The following YY1 variants were observed in gnomAD, a reference collection of about 807,000 sequenced individuals.
YY1 encodes transcriptional repressor protein YY1.
In YY1, 2 loss-of-function variants were observed where a neutral mutation model predicts 35.6. The ratio of observed to expected loss-of-function variants is 0.06; its 90% confidence interval spans 0.02 to 0.18. YY1 has a LOEUF of 0.18. Among genes scored for constraint, YY1 ranks in the 10% least tolerant of loss-of-function variants. The pLI is 1.00. For synonymous variants in YY1, 268 were observed against 238.9 expected (o/e 1.12, Z -1.12); for missense variants, 322 against 573.4 (o/e 0.56, Z 4.48).
In YY1 at chr14:100,239,726, G is replaced by C; in HGVS notation, c.482G>C (p.Gly161Ala). The C allele has an allele frequency of 6.3e-7, 1 of 1,596,504 alleles. No individual in the cohort carries two copies. Among genetic ancestry groups the C allele is most frequent in the Non-Finnish European group, 8.5e-7 (1 of 1,175,906 alleles). The change falls in exon 1 of 5, where the codon GGC becomes GCC. Residue 161 changes from glycine (G) to alanine (A), a missense_variant. Transcript: ENST00000262238. ...VTVAAAGKSG[G>A]GGSSSSGGGR... Reference sequence around the variant, plus strand: ...GTGGCGGCGGCCGGCAAGAGCGGCGGCGGCGGCTCGTCGTCGTCGGGAGGC... The same window carrying C: ...GTGGCGGCGGCCGGCAAGAGCGGCGCCGGCGGCTCGTCGTCGTCGGGAGGC...
rs756308700 is a variant in YY1, at chr14:100,279,288, C to T, written c.*1688C>T. 25 of 152,108 alleles carry T rather than the reference C, an allele frequency of 1.6e-4. No individual in the cohort carries two copies. The highest frequency in any genetic ancestry group is 1.4e-3 in the Admixed American group (22 of 15,270). The allele number at this position is 152,108 out of a possible 1,614,324, so 9.4% of individuals were successfully genotyped here. ...GATAAATGACAAACTAGCTAATATCCGAGATTTATTTACAAATGGCCAGGG... is the reference window on the plus strand; with the variant it reads ...GATAAATGACAAACTAGCTAATATCTGAGATTTATTTACAAATGGCCAGGG... On this transcript the variant is annotated 3_prime_UTR_variant, in exon 5 of 5. Transcript: ENST00000262238.
intron 1 of YY1, among the ~76,000 whole-genome samples, chr14:100,243,976 C>T (rs561339964): frequency 6.6e-6 from 1 of 152,054 alleles, no homozygotes; most frequent in African/African-American, 2.4e-5. Flanking sequence ...GGCGCTGTGG[C>T]GGGTGCCTGT....
chr14:100,277,146 G>C lies in YY1; in HGVS notation c.1063-272G>C. 1 of 540,886 alleles carries C rather than the reference G, an allele frequency of 1.8e-6. No homozygotes were observed. Among genetic ancestry groups the C allele is most frequent in the South Asian group, 2.1e-5 (1 of 46,906 alleles). The allele number at this position is 540,886 out of a possible 1,614,324, so 33.5% of individuals were successfully genotyped here. On this transcript the variant is annotated intron_variant, in intron 4 of 4. Coordinates refer to ENST00000262238, the MANE Select transcript of YY1 (RefSeq NM_003403.5). This position sits in a 1 kb window ranked among gnomAD's most constrained non-coding sequence, Gnocchi z 5.6. ...TCATTTGTATTTTACTGTTGGAAATGTTTACAGCAGCACTAGGACTCTAGC... is the reference window on the plus strand; with the variant it reads ...TCATTTGTATTTTACTGTTGGAAATCTTTACAGCAGCACTAGGACTCTAGC...
chr14:100,268,352 G>A (rs895290407), intron 2 of YY1, among the ~76,000 whole-genome samples: 1 of 152,170 alleles, frequency 6.6e-6, no homozygotes. Flanking sequence ...TTGGGAAGGT[G>A]GACAGTCTAT....
intron 1 of YY1, 148 bp downstream of exon 1, chr14:100,240,071 C>CGGCGGCGGCGGCG (rs1404850189): frequency 2.0e-6 from 1 of 492,518 alleles, no homozygotes; most frequent in African/African-American, 2.1e-5. Context: ...GGCGGGGGCG[C>CGGCGGCGGCGGCG]GGCGGCGGCG....
chr14:100,279,174 T>TTA lies in YY1; in HGVS notation c.*1577_*1578dup. On this transcript the variant is annotated 3_prime_UTR_variant, in exon 5 of 5. Transcript: ENST00000262238. ...GTCAAATAACAGACTTGAGAATACT[T>TTA]TATAAACTGCCATGATACAGCAAAA... 6.6e-6 allele frequency: 1 copy of TTA among 152,320 alleles called. No homozygotes were observed. Among genetic ancestry groups the TTA allele is most frequent in the African/African-American group, 2.4e-5 (1 of 41,570 alleles). The allele number at this position is 152,320 out of a possible 1,614,324, so 9.4% of individuals were successfully genotyped here.
intron 2 of YY1, among the ~76,000 whole-genome samples, chr14:100,273,644 C>T (rs1412782402): frequency 1.3e-5 from 2 of 152,150 alleles, no homozygotes; most frequent in South Asian, 2.1e-4. Context: ...GGATTACAGG[C>T]GTGACCCACC....
intron 2 of YY1, among the ~76,000 whole-genome samples, chr14:100,263,100 G>T (rs916097580): frequency 1.6e-4 from 25 of 152,144 alleles, no homozygotes; most frequent in African/African-American, 6.0e-4. Flanking sequence ...TAGAGACAGG[G>T]TTTCATCCTG....
Position 100,244,320 on chromosome 14 carries a change from CTTTTTTTTTTTTT to C in YY1, c.679+4408_679+4420del, listed in dbSNP as rs869125410. On this transcript the variant is annotated intron_variant, in intron 1 of 4. Transcript: ENST00000262238. ...GATTGGCTTTTTTTTTCCTTTTTTACTTTTTTTTTTTTTTTTTTTTTTTGAGACAGGGGTCTCA... is the reference window on the plus strand; with the variant it reads ...GATTGGCTTTTTTTTTCCTTTTTTACTTTTTTTTTTGAGACAGGGGTCTCA... Among the ~76,000 whole-genome samples, 41 of 89,712 alleles carry C rather than the reference CTTTTTTTTTTTTT, an allele frequency of 4.6e-4. 2 individuals carry two copies. Among genetic ancestry groups the C allele is most frequent in the Non-Finnish European group, 2.0e-5 (1 of 48,842 alleles). 58.9% of individuals were successfully genotyped at this position (89,712 alleles called of 152,430 possible). A position where few individuals can be genotyped will look rare whatever the true frequency, so the allele number is the denominator to read the frequency against.
At chr14:100,269,680 C>T (rs1891205775) in intron 2 of YY1, among the ~76,000 whole-genome samples, 1 of 152,166 alleles carries the variant, frequency 6.6e-6, no homozygotes, top group South Asian at 2.1e-4. Context: ...TATACTGCTG[C>T]ATTTGCCACT....
chr14:100,275,474 C>T (rs1468926735), intron 3 of YY1, among the ~76,000 whole-genome samples: 1 of 152,168 alleles, frequency 6.6e-6, no homozygotes, highest in Admixed American at 6.5e-5. Context: ...GAAATGTAAA[C>T]GTATCTCCAT....
In YY1 at chr14:100,245,029, C is replaced by T. The variant is rs538071097; in HGVS notation, c.679+5106C>T. On this transcript the variant is annotated intron_variant, in intron 1 of 4. Coordinates refer to ENST00000262238, the MANE Select transcript of YY1 (RefSeq NM_003403.5). ...TCGGCTCACTGCAAGCTCCACCTCC[C>T]GGGTTCACACCATTCTCCTGCCTCA... 1.8e-3 allele frequency among the ~76,000 whole-genome samples: 280 copies of T among 152,178 alleles called. 8 individuals carry two copies. The South Asian group carries it at 0.04, about 22-fold the overall frequency.
Position 100,277,689 on chromosome 14 carries a change from T to C in YY1, c.*89T>C, listed in dbSNP as rs1891343800. Reference sequence around the variant, plus strand: ...ATATGCCTCTCCTTTGTATATTATTTCTAGGAAGAATTTTAAAAATGAATC... The same window carrying C: ...ATATGCCTCTCCTTTGTATATTATTCCTAGGAAGAATTTTAAAAATGAATC... On this transcript the variant is annotated 3_prime_UTR_variant, in exon 5 of 5. Coordinates refer to ENST00000262238, the MANE Select transcript of YY1 (RefSeq NM_003403.5). The surrounding 1 kb of genome is among the most constrained non-coding windows in gnomAD (Gnocchi z 5.6). 7.1e-7 allele frequency: 1 copy of C among 1,402,230 alleles called. No homozygotes were observed. The highest frequency in any genetic ancestry group is 9.9e-7 in the Non-Finnish European group (1 of 1,010,062). 86.9% of individuals were successfully genotyped at this position (1,402,230 alleles called of 1,614,324 possible).
chr14:100,246,211 G>A (rs539538699), intron 1 of YY1, among the ~76,000 whole-genome samples: 2 of 152,194 alleles, frequency 1.3e-5, no homozygotes, highest in African/African-American at 4.8e-5. Context: ...TTCCATACAT[G>A]GGTTTTGTGA....
chr14:100,252,916 C>A (rs910641879), intron 1 of YY1, among the ~76,000 whole-genome samples: 1 of 151,992 alleles, frequency 6.6e-6, no homozygotes, highest in African/African-American at 2.4e-5. Context: ...TGTGGTGCAC[C>A]TGTGGTCTCA....
chr14:100,250,623 A>G (rs1279700278), intron 1 of YY1, among the ~76,000 whole-genome samples: 1 of 152,166 alleles, frequency 6.6e-6, no homozygotes, highest in East Asian at 1.9e-4. Flanking sequence ...CTTAGGAATG[A>G]ATTCCTTTGT....
chr14:100,268,205 G>T (rs1007755281), intron 2 of YY1, among the ~76,000 whole-genome samples: 2 of 152,206 alleles, frequency 1.3e-5, no homozygotes, highest in South Asian at 4.1e-4. Context: ...GGGTGATGGG[G>T]TGCTGGACTG....
At chr14:100,251,992 A>G (rs1890931977) in intron 1 of YY1, among the ~76,000 whole-genome samples, 1 of 152,180 alleles carries the variant, frequency 6.6e-6, no homozygotes, top group African/African-American at 2.4e-5. Context: ...ACAGGAATGA[A>G]TGGCTTCTTG....
chr14:100,272,965 G>GTTTTT (rs368896214), intron 2 of YY1, among the ~76,000 whole-genome samples: 1 of 127,708 alleles, frequency 7.8e-6, no homozygotes, highest in Non-Finnish European at 1.7e-5. Context: ...TTTTTTTTTT[G>GTTTTT]TTTTTTTTTT....
Sources: allele counts gnomAD v4.1 joint callset (sites outside exome capture counted in the v4.1 genomes callset), GRCh38; gene constraint gnomAD v4.1.1; non-coding constraint Gnocchi (gnomAD v3.1); transcripts MANE v1.5; gene names NCBI Gene and HGNC (gene_info 2026-07-23, HGNC 2026-07-21).